Variants in FAM234B observed in about 807,000 individuals in gnomAD.
The protein encoded by FAM234B is family with sequence similarity 234 member B.
FAM234B carries 33 observed loss-of-function variants against 69.3 expected under a neutral mutation model. The observed-to-expected ratio is 0.48, with a 90% CI of 0.36 to 0.64. FAM234B has a LOEUF of 0.64. FAM234B is among the 30% of genes least tolerant of loss of function. The pLI is 0.00. For missense variants in FAM234B, 697 were observed against 769.7 expected (o/e 0.91, Z 1.12); for synonymous variants, 306 against 306.9 (o/e 1.00, Z 0.03).
chr12:13,074,027 G>A (rs757326788), intron 10 of FAM234B, among the ~76,000 whole-genome samples: 7 of 152,194 alleles, frequency 4.6e-5, no homozygotes, highest in Non-Finnish European at 1.0e-4. Flanking sequence ...TTTGATGCAT[G>A]TTCTTGCTTC....
chr12:13,070,166 A>G (rs1202576060), intron 9 of FAM234B, among the ~76,000 whole-genome samples: 1 of 115,458 alleles, frequency 8.7e-6, no homozygotes, highest in Non-Finnish European at 1.8e-5. Flanking sequence ...ATAATAATTA[A>G]AAAAAGATAT....
At chr12:13,059,977 A>C (rs1191532375) in intron 3 of FAM234B, among the ~76,000 whole-genome samples, 3 of 152,270 alleles carry the variant, frequency 2.0e-5, no homozygotes, top group Admixed American at 2.0e-4. Context: ...AGACTGTACA[A>C]ATAAGGATAT....
intron 10 of FAM234B, among the ~76,000 whole-genome samples, chr12:13,072,116 T>G (rs986522445): frequency 6.6e-6 from 1 of 152,118 alleles, no homozygotes; most frequent in East Asian, 1.9e-4. Context: ...GAAAATAATC[T>G]TGGCCCTCTA....
At chr12:13,071,427 C>G (rs1464356434) in intron 10 of FAM234B, 31 bp downstream of exon 10, 1 of 1,604,332 alleles carries the variant, frequency 6.2e-7, no homozygotes, top group East Asian at 2.2e-5. Context: ...CCCTTTTTTA[C>G]TTTGTCAGAT....
Position 13,082,938 on chromosome 12 carries a change from T to C in FAM234B, c.*2308T>C, listed in dbSNP as rs1171406789. The C allele has an allele frequency of 1.3e-5, 2 of 152,224 alleles. No individual in the cohort carries two copies. Among genetic ancestry groups the C allele is most frequent in the Non-Finnish European group, 2.9e-5 (2 of 68,030 alleles). 9.4% of individuals were successfully genotyped at this position (152,224 alleles called of 1,614,324 possible). A position where few individuals can be genotyped will look rare whatever the true frequency, so the allele number is the denominator to read the frequency against. On this transcript the variant is annotated 3_prime_UTR_variant, in exon 13 of 13. Coordinates refer to ENST00000197268, the MANE Select transcript of FAM234B (RefSeq NM_020853.2). ...AACTTAACATAGATTCTTTTGACTA[T>C]GGTAAGTTTGAATCTCTCCTTGCCA... is the stretch of plus-strand genomic sequence containing the variant.
At chr12:13,065,275 G>A (rs1490904699) in intron 5 of FAM234B, among the ~76,000 whole-genome samples, 1 of 152,158 alleles carries the variant, frequency 6.6e-6, no homozygotes, top group African/African-American at 2.4e-5. Context: ...TGCTACTCAG[G>A]ACTAAATATC....
chr12:13,047,420 T>A (rs1864823902), intron 1 of FAM234B, among the ~76,000 whole-genome samples: 1 of 152,234 alleles, frequency 6.6e-6, no homozygotes, highest in Non-Finnish European at 1.5e-5. Context: ...ATGAATTATT[T>A]ACCTTTAGTT....
chr12:13,061,661 C>T lies in FAM234B; in HGVS notation c.619C>T (p.Arg207Ter). The T allele has an allele frequency of 1.9e-6, 3 of 1,614,008 alleles. No homozygotes were observed. The highest frequency in any genetic ancestry group is 1.3e-5 in the African/African-American group (1 of 74,996). The change falls in exon 4 of 13, where the codon CGA (arginine) becomes TGA (stop). Residue 207 changes from arginine to a stop codon, truncating the protein, a stop_gained. Transcript: ENST00000197268. LOFTEE classifies it high-confidence loss of function. The stretch of plus-strand genomic sequence containing the variant: ...GTCTAGTCTTCTCCCTGAGGAGGCT[C>T]GAGATATCACATGTTTGGAGCTGAT... ...LWSSLLPEEARDITCLELMPG... is the reference protein window; with the variant it reads ...LWSSLLPEEA
In FAM234B at chr12:13,081,370, T is replaced by C. The variant is rs1241911464; in HGVS notation, c.*740T>C. Reference sequence around the variant, plus strand: ...AAGAGGATGTAGTCTCAGTGACCCATCTCTGACCAAGTCCACATGTTGTGT... The same window carrying C: ...AAGAGGATGTAGTCTCAGTGACCCACCTCTGACCAAGTCCACATGTTGTGT... On this transcript the variant is annotated 3_prime_UTR_variant, in exon 13 of 13. Coordinates refer to ENST00000197268, the MANE Select transcript of FAM234B (RefSeq NM_020853.2). The C allele has an allele frequency of 6.6e-6, 1 of 152,266 alleles. No individual in the cohort carries two copies. Among genetic ancestry groups the C allele is most frequent in the Non-Finnish European group, 1.5e-5 (1 of 68,050 alleles). 9.4% of individuals were successfully genotyped at this position (152,266 alleles called of 1,614,324 possible).
intron 1 of FAM234B, among the ~76,000 whole-genome samples, chr12:13,053,041 C>T (rs943019350): frequency 2.6e-5 from 4 of 152,084 alleles, no homozygotes; most frequent in African/African-American, 9.7e-5. Context: ...TATCTGGAAC[C>T]TGTACTGACC....
At chr12:13,046,454 T>TTTTG (rs992149504) in intron 1 of FAM234B, among the ~76,000 whole-genome samples, 16 of 152,008 alleles carry the variant, frequency 1.1e-4, no homozygotes, top group Middle Eastern at 3.4e-3. Flanking sequence ...TTGTTTGTTT[T>TTTTG]TTTGTTTGTT....
In FAM234B at chr12:13,062,884, A is replaced by C; in HGVS notation, c.761A>C (p.Asn254Thr). Reference sequence around the variant, plus strand: ...ACTTTAAACCCAAACTACTTGTCCAACGGTACCTTGGCTGCCCCAGTTGTG... The same window carrying C: ...ACTTTAAACCCAAACTACTTGTCCACCGGTACCTTGGCTGCCCCAGTTGTG... ...IWTLNPNYLS[N>T]GTLAAPVVVL... is the part of the protein sequence containing the mutation. Residue 254 changes from asparagine to threonine, a missense_variant, in exon 5 of 13, where the codon AAC becomes ACC. Physicochemically the swap from Asn to Thr is moderately conservative, Grantham distance 65. Around this residue, in one of 3 missense-constraint regions of FAM234B, gnomAD observed 380 missense variants for 447.1 expected, o/e 0.85. Coordinates refer to ENST00000197268, the MANE Select transcript of FAM234B (RefSeq NM_020853.2). 1 of 1,614,064 alleles carries C rather than the reference A, an allele frequency of 6.2e-7. No homozygotes were observed. Among genetic ancestry groups the C allele is most frequent in the Non-Finnish European group, 8.5e-7 (1 of 1,179,942 alleles).
intron 1 of FAM234B, among the ~76,000 whole-genome samples, chr12:13,049,585 T>C (rs889615890): frequency 1.3e-5 from 2 of 152,236 alleles, no homozygotes; most frequent in East Asian, 1.9e-4. Context: ...TAGTCTATTC[T>C]TTTTATGTCT....
chr12:13,046,305 A>T (rs1212818936), intron 1 of FAM234B, among the ~76,000 whole-genome samples: 1 of 151,870 alleles, frequency 6.6e-6, no homozygotes, highest in Non-Finnish European at 1.5e-5. Context: ...CACCCAAAAT[A>T]CTATTTTTAG....
At chr12:13,046,363 C>CCTGT (rs1222863668) in intron 1 of FAM234B, among the ~76,000 whole-genome samples, 2 of 152,124 alleles carry the variant, frequency 1.3e-5, no homozygotes, top group African/African-American at 2.4e-5. Flanking sequence ...TTTTGGCTCC[C>CCTGT]CTGTAATTGG....
intron 9 of FAM234B, among the ~76,000 whole-genome samples, chr12:13,070,930 TC>T: frequency 6.6e-6 from 1 of 152,302 alleles, no homozygotes; most frequent in Non-Finnish European, 1.5e-5. Context: ...CCACATCACT[TC>T]CTGTCTCTCA....
In FAM234B at chr12:13,067,054, T is replaced by C; in HGVS notation, c.1001-101T>C. ...GTTGTCCAGTCTGGGCGGGCTCTGT[T>C]AGACCCATCTGGTCAGGCTCTGTGT... On this transcript the variant is annotated intron_variant, in intron 6 of 12. Transcript: ENST00000197268. This position sits in a 1 kb window ranked among gnomAD's most constrained non-coding sequence, Gnocchi z 4.7. The C allele has an allele frequency of 1.3e-5, 18 of 1,402,826 alleles. No homozygotes were observed. The highest frequency in any genetic ancestry group is 1.8e-5 in the Non-Finnish European group (18 of 1,005,554). 86.9% of individuals were successfully genotyped at this position (1,402,826 alleles called of 1,614,324 possible). A position where few individuals can be genotyped will look rare whatever the true frequency, so the allele number is the denominator to read the frequency against.
At position 13,083,398 on chromosome 12, in the gene FAM234B, C is replaced by G. The variant is rs1008298529; in HGVS notation, c.*2768C>G. ...CCAGCTGGTATATTGTCAGGAAGCA[C>G]TATTTAAAATGTGAACTGTTATAGA... On this transcript the variant is annotated 3_prime_UTR_variant, in exon 13 of 13. Coordinates refer to ENST00000197268, the MANE Select transcript of FAM234B (RefSeq NM_020853.2). 6.6e-6 allele frequency: 1 copy of G among 152,424 alleles called. No homozygotes were observed. Among genetic ancestry groups the G allele is most frequent in the Admixed American group, 6.6e-5 (1 of 15,250 alleles). 9.4% of individuals were successfully genotyped at this position (152,424 alleles called of 1,614,324 possible).
intron 1 of FAM234B, among the ~76,000 whole-genome samples, chr12:13,045,130 G>C (rs2120430561): frequency 6.6e-6 from 1 of 152,062 alleles, no homozygotes; most frequent in South Asian, 2.1e-4. Flanking sequence ...TGAAGATAAT[G>C]TATGGAATCT....
Sources: allele counts gnomAD v4.1 joint callset (sites outside exome capture counted in the v4.1 genomes callset), GRCh38; gene constraint gnomAD v4.1.1; regional missense constraint gnomAD v4.1.1; non-coding constraint Gnocchi (gnomAD v3.1); transcripts MANE v1.5; gene names NCBI Gene and HGNC (gene_info 2026-07-23, HGNC 2026-07-21).